CTNNA3: variants seen among roughly 807,000 people sequenced by gnomAD.
The protein encoded by CTNNA3 is catenin alpha 3, also known as catenin alpha-3.
CTNNA3 carries 76 observed loss-of-function variants against 95.7 expected under a neutral mutation model. That is an observed-to-expected ratio of 0.79 (90% CI 0.66 to 0.96). CTNNA3 has a LOEUF of 0.96. Among genes scored for constraint, CTNNA3 ranks in the 40% least tolerant of loss-of-function variants. The probability of loss-of-function intolerance (pLI) is 0.00; values close to 1 mark genes in which losing one functional copy is unlikely to be tolerated. For missense variants in CTNNA3, 1,191 were observed against 1,089.8 expected, an observed-to-expected ratio of 1.09 and a Z score of -1.31; for synonymous variants, 431 against 374.4, an observed-to-expected ratio of 1.15 and a Z score of -1.74.
chr10:67,380,259 G>A (rs963026478), intron 5 of CTNNA3, among the ~76,000 whole-genome samples: 4 of 152,088 alleles, frequency 2.6e-5, no homozygotes, highest in South Asian at 2.1e-4. Flanking sequence ...TCTAAGGTAC[G>A]ATGTGAGCAA....
rs191176044 is a variant in CTNNA3, at chr10:66,290,814, A to G, written c.1733-10193T>C. ...GTGAGTCACAAATTATTCGAAATTG[A>G]TGTCAACAGTGAGTTACTTCTTGTA... On this transcript the variant is annotated intron_variant, in intron 12 of 17. Transcript: ENST00000433211. Among the ~76,000 whole-genome samples the G allele has an allele frequency of 2.0e-3, 302 of 152,282 alleles. 2 individuals are homozygous for G. The highest frequency in any genetic ancestry group is 7.0e-3 in the African/African-American group (290 of 41,588).
intron 1 of CTNNA3, among the ~76,000 whole-genome samples, chr10:67,752,038 C>T (rs965732453): frequency 3.9e-5 from 6 of 152,054 alleles, no homozygotes; most frequent in South Asian, 2.1e-4. Context: ...AACTTCGGGC[C>T]GATATCCCTG....
chr10:66,871,752 G>A (rs12779978), intron 7 of CTNNA3, among the ~76,000 whole-genome samples: 23,046 of 152,020 alleles, frequency 0.15, 2,341 homozygotes, highest in African/African-American at 0.29. Context: ...ATGTCAGAGA[G>A]GAGAACTCAT....
At chr10:67,584,562 C>G (rs536165220) in intron 3 of CTNNA3, among the ~76,000 whole-genome samples, 1 of 152,308 alleles carries the variant, frequency 6.6e-6, no homozygotes, top group South Asian at 2.1e-4. Context: ...ATCTCAAACT[C>G]TGTGCTGGGA....
chr10:66,800,897 CACA>C (rs1181005929), intron 7 of CTNNA3, among the ~76,000 whole-genome samples: 1 of 151,396 alleles, frequency 6.6e-6, no homozygotes, highest in East Asian at 1.9e-4. Flanking sequence ...ATGGCACCAA[CACA>C]ACAACAAAAG....
At chr10:66,699,563 A>T (rs973499579) in intron 9 of CTNNA3, among the ~76,000 whole-genome samples, 4 of 151,406 alleles carry the variant, frequency 2.6e-5, no homozygotes, top group African/African-American at 9.7e-5. Context: ...TACTTTGGTC[A>T]TTTTTTTTAT....
In CTNNA3 at chr10:65,919,299, T is replaced by A. The variant is rs1410015303; in HGVS notation, c.*1031A>T. On this transcript the variant is annotated 3_prime_UTR_variant, in exon 18 of 18. Transcript: ENST00000433211. ...CAGTGACTTTTATTTAAAAGAACGT[T>A]ATTAAAATCACTCCAGCTTCATTGC... The A allele has an allele frequency of 6.6e-6, 1 of 152,202 alleles. No individual in the cohort carries two copies. The highest frequency in any genetic ancestry group is 1.5e-5 in the Non-Finnish European group (1 of 68,024). 9.4% of individuals were successfully genotyped at this position (152,202 alleles called of 1,614,324 possible).
intron 7 of CTNNA3, among the ~76,000 whole-genome samples, chr10:66,783,405 T>C (rs1379329087): frequency 6.6e-6 from 1 of 152,124 alleles, no homozygotes; most frequent in Non-Finnish European, 1.5e-5. Flanking sequence ...CATTATGTCT[T>C]TACTGATATT....
chr10:66,980,539 A>AAGCAAAAATCAGAATTGAATG (rs1564809921), intron 7 of CTNNA3, among the ~76,000 whole-genome samples: 12 of 138,794 alleles, frequency 8.6e-5, no homozygotes, highest in Admixed American at 2.8e-4. Flanking sequence ...AGAATTGAAC[A>AAGCAAAAATCAGAATTGAATG]GGAACCAAAA....
At chr10:66,225,078 A>G (rs2089199324) in intron 13 of CTNNA3, among the ~76,000 whole-genome samples, 1 of 152,010 alleles carries the variant, frequency 6.6e-6, no homozygotes, top group Non-Finnish European at 1.5e-5. Flanking sequence ...TTGAAAATAT[A>G]CATTGACTTA....
At chr10:67,408,119 T>C (rs1845209051) in intron 5 of CTNNA3, among the ~76,000 whole-genome samples, 1 of 152,228 alleles carries the variant, frequency 6.6e-6, no homozygotes, top group Non-Finnish European at 1.5e-5. Context: ...AATCATTCCA[T>C]GCTAATGAAT....
chr10:67,471,286 A>C (rs1379507290), intron 5 of CTNNA3, among the ~76,000 whole-genome samples: 1 of 152,338 alleles, frequency 6.6e-6, no homozygotes, highest in African/African-American at 2.4e-5. Context: ...AAGATTGCCA[A>C]ATGTCCCCTC....
chr10:67,440,721 A>T (rs1342211548), intron 5 of CTNNA3, among the ~76,000 whole-genome samples: 2 of 152,174 alleles, frequency 1.3e-5, no homozygotes, highest in Non-Finnish European at 2.9e-5. Flanking sequence ...TCTAGATTCT[A>T]TACAAGACCA....
intron 5 of CTNNA3, among the ~76,000 whole-genome samples, chr10:67,280,102 CA>C (rs1839338574): frequency 6.7e-6 from 1 of 150,188 alleles, no homozygotes; most frequent in Admixed American, 6.6e-5. Flanking sequence ...TAAAGGATAT[CA>C]AAAGGCCTCA....
intron 9 of CTNNA3, among the ~76,000 whole-genome samples, chr10:66,707,719 A>C (rs542537082): frequency 6.6e-6 from 1 of 152,234 alleles, no homozygotes; most frequent in Admixed American, 6.6e-5. Flanking sequence ...ATAAGTGACA[A>C]GGTGGTAGAA....
At chr10:65,963,559 G>T (rs998395992) in intron 17 of CTNNA3, among the ~76,000 whole-genome samples, 3 of 152,130 alleles carry the variant, frequency 2.0e-5, no homozygotes, top group African/African-American at 7.2e-5. Context: ...TGCCAATGTT[G>T]TATGGTTTAT....
chr10:67,005,225 T>C (rs576467511), intron 7 of CTNNA3, among the ~76,000 whole-genome samples: 1 of 152,314 alleles, frequency 6.6e-6, no homozygotes, highest in African/African-American at 2.4e-5. Context: ...ACAATGGTGC[T>C]GTTCAATAGA....
intron 13 of CTNNA3, among the ~76,000 whole-genome samples, chr10:66,201,598 C>G (rs1262215792): frequency 1.3e-5 from 2 of 152,050 alleles, no homozygotes; most frequent in Admixed American, 1.3e-4. Flanking sequence ...CTTCTTTTAT[C>G]TACTCTCTCC....
chr10:67,563,533 A>G (rs1222959374), intron 3 of CTNNA3, among the ~76,000 whole-genome samples: 3 of 152,228 alleles, frequency 2.0e-5, no homozygotes, highest in Non-Finnish European at 4.4e-5. Context: ...TAAAACCATA[A>G]GAGCCCTAGA....
Sources: gnomAD v4.1 joint callset for allele counts (sites outside exome capture counted in the v4.1 genomes callset) on GRCh38, gnomAD v4.1.1 for gene constraint, MANE v1.5 for transcripts, NCBI Gene and HGNC (gene_info 2026-07-23, HGNC 2026-07-21) for gene names.